Variants in PIK3CB observed in about 807,000 individuals in gnomAD.
The protein encoded by PIK3CB is phosphatidylinositol 4,5-bisphosphate 3-kinase catalytic subunit beta isoform.
Under a neutral mutation model 136.8 loss-of-function variants are expected in PIK3CB, and 39 were observed. That is an observed-to-expected ratio of 0.29 (90% CI 0.22 to 0.37). PIK3CB has a LOEUF of 0.37. Ranked by LOEUF, PIK3CB falls within the 10% of genes least tolerant of loss-of-function variation. PIK3CB has a pLI of 1.00. For missense variants in PIK3CB, 868 were observed against 1,275.4 expected (o/e 0.68, Z 4.87); for synonymous variants, 428 against 436.6 (o/e 0.98, Z 0.25).
chr3:138,717,773 T>G (rs1402307460), intron 8 of PIK3CB, among the ~76,000 whole-genome samples: 4 of 152,194 alleles, frequency 2.6e-5, no homozygotes, highest in Admixed American at 6.5e-5. Flanking sequence ...TCCTTATAAG[T>G]GAGAACATGC....
intron 19 of PIK3CB, among the ~76,000 whole-genome samples, chr3:138,670,944 A>C (rs2043520217): frequency 6.6e-6 from 1 of 152,190 alleles, no homozygotes; most frequent in Non-Finnish European, 1.5e-5. Context: ...TAAAAATAAA[A>C]AATTATTTCT....
chr3:138,704,708 T>C (rs1034712408), intron 11 of PIK3CB, among the ~76,000 whole-genome samples: 6 of 152,054 alleles, frequency 3.9e-5, no homozygotes, highest in African/African-American at 1.4e-4. Context: ...TTATGACTCC[T>C]AGGAAGCACT....
rs111544119 is a variant in PIK3CB at position 138,710,124 on chromosome 3, C to G, written c.1399+2084G>C. ...GGCTGAGCCCAGGAGGGCAAGGCTA[C>G]AGTGAGCTGTGTTCAAGTCACTACA... is the stretch of plus-strand genomic sequence containing the variant. On this transcript the variant is annotated intron_variant, in intron 10 of 23. Coordinates refer to ENST00000674063, the MANE Select transcript of PIK3CB (RefSeq NM_006219.3). Among the ~76,000 whole-genome samples, 1,076 of 151,836 alleles carry G rather than the reference C, an allele frequency of 7.1e-3. 12 individuals carry two copies. The highest frequency in any genetic ancestry group is 0.025 in the African/African-American group (1,027 of 41,402).
chr3:138,801,332 T>C (rs2046173270), intron 1 of PIK3CB, among the ~76,000 whole-genome samples: 2 of 152,202 alleles, frequency 1.3e-5, no homozygotes. Flanking sequence ...TTTATGTTCA[T>C]TGTGTGCTTC....
At chr3:138,749,439 C>G (rs1025943415) in intron 4 of PIK3CB, among the ~76,000 whole-genome samples, 1 of 152,154 alleles carries the variant, frequency 6.6e-6, no homozygotes, top group Non-Finnish European at 1.5e-5. Context: ...ATTCTACAAC[C>G]TAAATAATCT....
intron 2 of PIK3CB, among the ~76,000 whole-genome samples, chr3:138,792,228 G>A (rs1324323004): frequency 3.9e-5 from 6 of 152,150 alleles, no homozygotes; most frequent in South Asian, 2.1e-4. Context: ...ATATTGGATC[G>A]GGTAATGGTT....
chr3:138,657,337 C>T (rs1171517499), intron 22 of PIK3CB: 1 of 169,866 alleles, frequency 5.9e-6, no homozygotes, highest in Non-Finnish European at 1.2e-5. Flanking sequence ...AAAAATTTGC[C>T]CTGAATTCTA....
intron 1 of PIK3CB, chr3:138,825,945 T>A: frequency 6.4e-7 from 1 of 1,557,236 alleles, no homozygotes; most frequent in Non-Finnish European, 8.6e-7. Flanking sequence ...GACCCACCAA[T>A]GGAAGCAGCT....
chr3:138,799,271 C>T (rs971755921), intron 1 of PIK3CB, among the ~76,000 whole-genome samples: 5 of 151,368 alleles, frequency 3.3e-5, no homozygotes, highest in East Asian at 2.0e-4. Flanking sequence ...TCCACCTCCC[C>T]GGTTCAAGCA....
intron 1 of PIK3CB, among the ~76,000 whole-genome samples, chr3:138,809,435 G>A (rs931247129): frequency 1.3e-5 from 2 of 150,776 alleles, no homozygotes; most frequent in East Asian, 2.0e-4. Context: ...GTGAAACCCC[G>A]TCTCTACTAA....
In PIK3CB at chr3:138,808,216, C is replaced by T. The variant is rs144733810; in HGVS notation, c.-121-11649G>A. On this transcript the variant is annotated intron_variant, in intron 1 of 23. Coordinates refer to ENST00000674063, the MANE Select transcript of PIK3CB (RefSeq NM_006219.3). ...CTTTTTCTAACTATAAAACTTCTGA[C>T]GGAACCCCATGTCCCATCCAAGAAA... Among the ~76,000 whole-genome samples the T allele has an allele frequency of 4.6e-5, 7 of 152,146 alleles. No individual in the cohort carries two copies. The East Asian group carries it at 5.8e-4, about 13-fold the overall frequency.
At chr3:138,788,239 A>G (rs2046003444) in intron 2 of PIK3CB, among the ~76,000 whole-genome samples, 1 of 152,006 alleles carries the variant, frequency 6.6e-6, no homozygotes, top group Non-Finnish European at 1.5e-5. Context: ...ACCTTTCTTT[A>G]CCAGTTCTGA....
intron 19 of PIK3CB, among the ~76,000 whole-genome samples, chr3:138,670,680 T>C (rs1488139623): frequency 6.6e-6 from 1 of 152,220 alleles, no homozygotes; most frequent in Non-Finnish European, 1.5e-5. Flanking sequence ...TCTAATGACC[T>C]ATTCCTCTTA....
intron 2 of PIK3CB, among the ~76,000 whole-genome samples, chr3:138,766,942 A>T (rs908107715): frequency 2.6e-5 from 4 of 152,204 alleles, no homozygotes; most frequent in African/African-American, 9.6e-5. Context: ...GATATATAGT[A>T]TTAAGCTAAA....
intron 2 of PIK3CB, among the ~76,000 whole-genome samples, chr3:138,775,581 G>A (rs1317979394): frequency 6.6e-6 from 1 of 152,164 alleles, no homozygotes; most frequent in African/African-American, 2.4e-5. Context: ...TGGGACTGCA[G>A]TGTCTGGGGA....
At chr3:138,793,321 C>T (rs536542941) in intron 2 of PIK3CB, among the ~76,000 whole-genome samples, 2 of 152,092 alleles carry the variant, frequency 1.3e-5, no homozygotes, top group Non-Finnish European at 2.9e-5. Flanking sequence ...TAAGTTTAAA[C>T]CTCGCTGGGC....
chr3:138,728,173 G>C (rs2044882614), intron 8 of PIK3CB, among the ~76,000 whole-genome samples: 1 of 152,158 alleles, frequency 6.6e-6, no homozygotes, highest in Non-Finnish European at 1.5e-5. Flanking sequence ...AGCTGGCATG[G>C]AGTAAGTTCA....
At position 138,744,392 on chromosome 3, in the gene PIK3CB, CAAAAAAAAAAAA is replaced by C. The variant is rs60503033; in HGVS notation, c.398-1623_398-1612del. Among the ~76,000 whole-genome samples, 113 of 45,112 alleles carry C rather than the reference CAAAAAAAAAAAA, an allele frequency of 2.5e-3. 9 individuals carry two copies. Among genetic ancestry groups the C allele is most frequent in the Middle Eastern group, 0.029 (1 of 34 alleles). 29.6% of individuals were successfully genotyped at this position (45,112 alleles called of 152,430 possible). A position where few individuals can be genotyped will look rare whatever the true frequency, so the allele number is the denominator to read the frequency against. ...ACTGGGTGACAGAGCGAGACTCCCC[CAAAAAAAAAAAA>C]AAAAAAAAAAAAAAAAAAGGAAGTG... On this transcript the variant is annotated intron_variant, in intron 4 of 23. Transcript: ENST00000674063.
intron 7 of PIK3CB, among the ~76,000 whole-genome samples, chr3:138,734,169 C>T (rs2045051605): frequency 6.6e-6 from 1 of 152,062 alleles, no homozygotes; most frequent in African/African-American, 2.4e-5. Context: ...AAATATATTA[C>T]ATTCTGAAAA....
Sources: allele counts gnomAD v4.1 joint callset (sites outside exome capture counted in the v4.1 genomes callset), GRCh38; gene constraint gnomAD v4.1.1; transcripts MANE v1.5; gene names NCBI Gene and HGNC (gene_info 2026-07-23, HGNC 2026-07-21).